PREPL: variants seen among roughly 807,000 people sequenced by gnomAD.
PREPL encodes the protein prolyl endopeptidase-like.
In PREPL, 77 loss-of-function variants were observed where a neutral mutation model predicts 70.6. That is an observed-to-expected ratio of 1.09 (90% CI 0.91 to 1.32). The LOEUF (loss-of-function observed/expected upper bound fraction) is 1.32. Ranked by LOEUF, PREPL falls within the 40% of genes most tolerant of loss-of-function variation. The pLI is 0.00. For missense variants in PREPL, 1,002 were observed against 778.2 expected, an observed-to-expected ratio of 1.29 and a Z score of -3.42; for synonymous variants, 315 against 264.8, an observed-to-expected ratio of 1.19 and a Z score of -1.84.
At chr2:44,323,156 T>C (rs1486403334) in intron 11 of PREPL, 106 bp downstream of exon 11, 4 of 1,147,964 alleles carry the variant, frequency 3.5e-6, no homozygotes, top group Non-Finnish European at 4.8e-6. Context: ...GCATCATAAG[T>C]AGAAACATCT....
At chr2:44,342,299 T>C in intron 5 of PREPL, 118 bp downstream of exon 5, 1 of 897,046 alleles carries the variant, frequency 1.1e-6, no homozygotes, top group East Asian at 2.5e-5. Flanking sequence ...AATGATCGTT[T>C]TAGCCTTATT....
chr2:44,336,993 G>A (rs1211815714), intron 7 of PREPL, among the ~76,000 whole-genome samples: 1 of 152,022 alleles, frequency 6.6e-6, no homozygotes, highest in Admixed American at 6.6e-5. Flanking sequence ...ATCCTAATAT[G>A]GCTGCCACTC....
rs371112188 is a variant in PREPL, at chr2:44,342,481, C to T, written c.421G>A (p.Val141Ile). The T allele has an allele frequency of 5.0e-5, 80 of 1,612,572 alleles. No individual in the cohort carries two copies. The highest frequency in any genetic ancestry group is 5.9e-5 in the Non-Finnish European group (70 of 1,179,226). Residue 141 changes from valine to isoleucine, a missense_variant, in exon 5 of 14, where the codon GTA becomes ATA. Coordinates refer to ENST00000409411, the MANE Select transcript of PREPL (RefSeq NM_001171613.2). The stretch of plus-strand genomic sequence containing the variant: ...TTATCACCAAAAGTGGCTCGATATA[C>T]GTCATGACAGCGAAGGTTCCTCTGG... ...TFQRNLRCHDVYRATFGDNKR... is the reference protein window; with the variant it reads ...TFQRNLRCHDIYRATFGDNKR...
intron 1 of PREPL, among the ~76,000 whole-genome samples, chr2:44,346,994 T>C (rs1314381741): frequency 6.6e-6 from 1 of 152,134 alleles, no homozygotes; most frequent in Non-Finnish European, 1.5e-5. Context: ...TTTCTTTTCT[T>C]GTGGGAATAA....
Position 44,342,464 on chromosome 2 carries a change from A to T in PREPL, c.438T>A (p.Phe146Leu). The T allele has an allele frequency of 6.2e-7, 1 of 1,613,402 alleles. No homozygotes were observed. ...LRCHDVYRAT[F>L]GDNKRNERFY... ...AGCGTTCATTACGTTTGTTATCACC[A>T]AAAGTGGCTCGATATACGTCATGAC... Residue 146 changes from phenylalanine to leucine, a missense_variant, in exon 5 of 14, where the codon TTT (phenylalanine) becomes TTA (leucine). Transcript: ENST00000409411.
chr2:44,356,753 A>T (rs1677089489), intron 1 of PREPL, among the ~76,000 whole-genome samples: 1 of 152,166 alleles, frequency 6.6e-6, no homozygotes, highest in Non-Finnish European at 1.5e-5. Flanking sequence ...GAGGTATAGA[A>T]TCATGAAATT....
In PREPL at chr2:44,322,828, T is replaced by A. The variant is rs74395208; in HGVS notation, c.1656A>T (p.Ala552=). Residue 552 remains alanine, a synonymous_variant, in exon 12 of 14, where the codon GCA becomes GCT. Transcript: ENST00000409411. The part of the protein sequence containing the change: ...PQHYPSIHIT[A]YENDERVPLK... ...GAGGTACCCGTTCATCGTTTTCATA[T>A]GCCGTTATGTGAATTGAAGGATAAT... The A allele has an allele frequency of 1.2e-6, 2 of 1,613,582 alleles. No individual in the cohort carries two copies. Among genetic ancestry groups the A allele is most frequent in the Non-Finnish European group, 1.7e-6 (2 of 1,179,752 alleles).
intron 1 of PREPL, among the ~76,000 whole-genome samples, chr2:44,358,455 C>T (rs190014666): frequency 6.9e-4 from 105 of 151,966 alleles, no homozygotes; most frequent in Admixed American, 1.2e-3. Flanking sequence ...AGAATACCAC[C>T]CCCAAATATC....
intron 4 of PREPL, 79 bp downstream of exon 4, chr2:44,343,666 C>A: frequency 7.4e-7 from 1 of 1,352,290 alleles, no homozygotes; most frequent in Non-Finnish European, 1.0e-6. Flanking sequence ...TTCTCCCTCC[C>A]TCACATGCGA....
At chr2:44,350,100 T>C (rs1483872768) in intron 1 of PREPL, among the ~76,000 whole-genome samples, 1 of 152,152 alleles carries the variant, frequency 6.6e-6, no homozygotes, top group African/African-American at 2.4e-5. Flanking sequence ...ATTAGGCTAA[T>C]ATAACCTTGA....
intron 1 of PREPL, among the ~76,000 whole-genome samples, chr2:44,354,422 T>C (rs968074947): frequency 6.6e-6 from 1 of 152,190 alleles, no homozygotes; most frequent in African/African-American, 2.4e-5. Context: ...TTTAAAATGA[T>C]GTAGTAATAG....
At chr2:44,355,983 TAAAG>T (rs1306013919) in intron 1 of PREPL, among the ~76,000 whole-genome samples, 2 of 152,236 alleles carry the variant, frequency 1.3e-5, no homozygotes, top group East Asian at 1.9e-4. Context: ...ATGTGGAAGA[TAAAG>T]AAATGTGATA....
chr2:44,345,981 A>AC (rs929249308), intron 2 of PREPL, among the ~76,000 whole-genome samples: 1 of 148,222 alleles, frequency 6.7e-6, no homozygotes, highest in Non-Finnish European at 1.5e-5. Flanking sequence ...GTCTCTTGAA[A>AC]TTTTTTTTTT....
intron 1 of PREPL, among the ~76,000 whole-genome samples, chr2:44,358,439 A>G (rs1677282949): frequency 6.6e-6 from 1 of 152,222 alleles, no homozygotes; most frequent in Non-Finnish European, 1.5e-5. Context: ...TTGTGAAACT[A>G]TTGCAAGAAT....
rs1347178852 is a variant in PREPL, at chr2:44,319,791, C to G, written c.*1565G>C. On this transcript the variant is annotated 3_prime_UTR_variant, in exon 14 of 14. Transcript: ENST00000409411. ...CATTAGTCTACAAAGGGGAACAAAC[C>G]CAAATTCCTCAGAAGTCTGAGTCCA... 1 of 178,592 alleles carries G rather than the reference C, an allele frequency of 5.6e-6. No individual in the cohort carries two copies. The allele number at this position is 178,592 out of a possible 1,614,324, so 11.1% of individuals were successfully genotyped here.
chr2:44,360,031 G>C (rs1677511800), intron 1 of PREPL: 1 of 229,548 alleles, frequency 4.4e-6, no homozygotes, highest in Non-Finnish European at 8.4e-6. Context: ...GCACACATAG[G>C]GGTTAAACTA....
intron 10 of PREPL, among the ~76,000 whole-genome samples, chr2:44,326,440 G>A (rs1407949156): frequency 7.0e-6 from 1 of 142,726 alleles, no homozygotes; most frequent in Non-Finnish European, 1.5e-5. Flanking sequence ...GGAGCACAGT[G>A]GTCCACTGCA....
rs759732153 is a variant in PREPL, at chr2:44,320,416, C to T, written c.*940G>A. The T allele has an allele frequency of 8.7e-6, 14 of 1,613,862 alleles. No homozygotes were observed. In the Admixed American group the frequency reaches 1.2e-4, roughly 13 times the overall value. On this transcript the variant is annotated 3_prime_UTR_variant, in exon 14 of 14. Coordinates refer to ENST00000409411, the MANE Select transcript of PREPL (RefSeq NM_001171613.2). ...CTGTTAAATCTACATAATATGATTT[C>T]GGGCCTTCCCGCTAAAATGAGAATA...
chr2:44,343,483 C>T (rs939495465), intron 4 of PREPL, among the ~76,000 whole-genome samples: 32 of 152,082 alleles, frequency 2.1e-4, no homozygotes, highest in Admixed American at 2.0e-4. Flanking sequence ...GCAAATAATT[C>T]TGATAAATCA....
Sources: allele counts gnomAD v4.1 joint callset (sites outside exome capture counted in the v4.1 genomes callset), GRCh38; gene constraint gnomAD v4.1.1; transcripts MANE v1.5; gene names NCBI Gene and HGNC (gene_info 2026-07-23, HGNC 2026-07-21).